The following DGKB variants were observed in gnomAD, a reference collection of about 807,000 sequenced individuals.
The protein encoded by DGKB is 90 kDa diacylglycerol kinase.
Under a neutral mutation model 114.3 loss-of-function variants are expected in DGKB, and 67 were observed. The observed-to-expected ratio is 0.59, with a 90% CI of 0.48 to 0.72. The LOEUF (loss-of-function observed/expected upper bound fraction) is 0.72, where lower values mean the gene tolerates loss of function less well. DGKB is among the 30% of genes least tolerant of loss of function. The pLI is 0.00. For missense variants in DGKB, 907 were observed against 975.2 expected (o/e 0.93, Z 0.93); for synonymous variants, 398 against 323.1 (o/e 1.23, Z -2.49).
chr7:14,613,292 T>G (rs1214831849), intron 16 of DGKB, 48 bp downstream of exon 16: 1 of 1,154,260 alleles, frequency 8.7e-7, no homozygotes, highest in African/African-American at 1.6e-5. Context: ...TTTGTCTATT[T>G]TTTTACATAT....
intron 1 of DGKB, among the ~76,000 whole-genome samples, chr7:14,852,498 CAG>C (rs1849543909): frequency 2.9e-5 from 1 of 33,918 alleles, no homozygotes; most frequent in Admixed American, 3.2e-4. Context: ...AAAAAAAAAA[CAG>C]AAATCAAGCA....
intron 2 of DGKB, among the ~76,000 whole-genome samples, chr7:14,784,102 A>T (rs1240744050): frequency 2.0e-5 from 3 of 152,040 alleles, no homozygotes; most frequent in Non-Finnish European, 4.4e-5. Context: ...GTAAATTGTG[A>T]TTCTTGCATT....
intron 1 of DGKB, among the ~76,000 whole-genome samples, chr7:14,964,001 A>T (rs1257444002): frequency 6.6e-6 from 1 of 152,128 alleles, no homozygotes; most frequent in Admixed American, 6.6e-5. Context: ...AAAGATATTC[A>T]GAAAAATTTG....
rs62443704 is a variant in DGKB at position 14,296,715 on chromosome 7, T to C, written c.2122+41800A>G. Among the ~76,000 whole-genome samples the C allele has an allele frequency of 0.012, 1,694 of 142,150 alleles. 55 individuals are homozygous for C. In the East Asian group the frequency reaches 0.13, roughly 11 times the overall value. The allele number at this position is 142,150 out of a possible 152,430, so 93.3% of individuals were successfully genotyped here. A position where few individuals can be genotyped will look rare whatever the true frequency, so the allele number is the denominator to read the frequency against. On this transcript the variant is annotated intron_variant, in intron 23 of 25. Coordinates refer to ENST00000402815, the MANE Select transcript of DGKB (RefSeq NM_001350709.2). ...AAGATCAGAGCAGAACTGAAGGAGA[T>C]AGAGACACAAAAAACCTTTAAAAAA... is the stretch of plus-strand genomic sequence containing the variant.
At chr7:14,191,716 C>G (rs1451581855) in intron 23 of DGKB, 1 of 343,532 alleles carries the variant, frequency 2.9e-6, no homozygotes, top group African/African-American at 2.2e-5. Flanking sequence ...ATGTGCACGT[C>G]AAAGATGTTC....
At chr7:14,580,715 C>G (rs1799794234) in intron 19 of DGKB, 147 bp downstream of exon 19, 1 of 464,882 alleles carries the variant, frequency 2.2e-6, no homozygotes, top group African/African-American at 2.0e-5. Context: ...CTATCCAAGA[C>G]TATTGTTCAA....
chr7:14,207,322 G>C lies in DGKB; in HGVS notation c.2123-29171C>G, dbSNP rs117522147. On this transcript the variant is annotated intron_variant, in intron 23 of 25. Coordinates refer to ENST00000402815, the MANE Select transcript of DGKB (RefSeq NM_001350709.2). Reference sequence around the variant, plus strand: ...CCAACATATGACCTAAGCTTTGCCAGTCGGGTGCATTGGTGTGAGATGTTT... The same window carrying C: ...CCAACATATGACCTAAGCTTTGCCACTCGGGTGCATTGGTGTGAGATGTTT... 7.9e-4 allele frequency among the ~76,000 whole-genome samples: 120 copies of C among 152,200 alleles called. No individual in the cohort carries two copies. In the East Asian group the frequency reaches 0.02, roughly 25 times the overall value.
At chr7:14,926,706 T>C (rs1446728867) in intron 1 of DGKB, among the ~76,000 whole-genome samples, 1 of 151,918 alleles carries the variant, frequency 6.6e-6, no homozygotes, top group African/African-American at 2.4e-5. Context: ...CATAAGTATT[T>C]TATATTTTAT....
chr7:14,348,091 G>C (rs1419748127), intron 21 of DGKB, among the ~76,000 whole-genome samples: 1 of 151,860 alleles, frequency 6.6e-6, no homozygotes, highest in Non-Finnish European at 1.5e-5. Context: ...ATACAGTTAA[G>C]ATGCAGAACA....
At chr7:14,583,029 T>C (rs370217066) in intron 18 of DGKB, 23 bp downstream of exon 18, 47 of 1,491,048 alleles carry the variant, frequency 3.2e-5, no homozygotes, top group Non-Finnish European at 4.2e-5. Flanking sequence ...TCCCCAGCCA[T>C]ATTAAGTATG....
chr7:14,589,967 A>G (rs1801416789), intron 17 of DGKB, among the ~76,000 whole-genome samples: 1 of 149,224 alleles, frequency 6.7e-6, no homozygotes, highest in African/African-American at 2.5e-5. Context: ...TAATTATTGA[A>G]GTTCTTTGAA....
chr7:14,682,041 GA>G (rs1820924843), intron 12 of DGKB, among the ~76,000 whole-genome samples: 2 of 115,726 alleles, frequency 1.7e-5, no homozygotes, highest in Admixed American at 1.8e-4. Flanking sequence ...CGTGGTCAAG[GA>G]CAATCTGCTT....
intron 13 of DGKB, among the ~76,000 whole-genome samples, chr7:14,658,846 T>G (rs1245430243): frequency 6.6e-6 from 1 of 151,976 alleles, no homozygotes; most frequent in Admixed American, 6.6e-5. Context: ...TTGTTGTCCT[T>G]TCTGTGAACT....
chr7:14,656,043 A>G (rs147873431), intron 13 of DGKB, among the ~76,000 whole-genome samples: 11 of 151,854 alleles, frequency 7.2e-5, no homozygotes, highest in African/African-American at 2.6e-4. Context: ...TATTTCCAAT[A>G]CGAAGAAATG....
intron 20 of DGKB, among the ~76,000 whole-genome samples, chr7:14,496,710 CATT>C (rs2128944808): frequency 6.6e-6 from 1 of 151,816 alleles, no homozygotes; most frequent in East Asian, 1.9e-4. Context: ...GAGGCAGAAA[CATT>C]ATTCTAAAGT....
chr7:14,192,508 A>AT lies in DGKB; in HGVS notation c.2123-14358dup, dbSNP rs528233372. Among the ~76,000 whole-genome samples, 226 of 152,134 alleles carry AT rather than the reference A, an allele frequency of 1.5e-3. 1 individual carries two copies. Among genetic ancestry groups the AT allele is most frequent in the Non-Finnish European group, 1.9e-3 (129 of 67,994 alleles). On this transcript the variant is annotated intron_variant, in intron 23 of 25. Coordinates refer to ENST00000402815, the MANE Select transcript of DGKB (RefSeq NM_001350709.2). ...CATATTATATTCATGAATTGGAAGA[A>AT]TTTTTTTTAAATGGTCATAGTACCC...
Position 14,146,124 on chromosome 7 carries a change from A to C in DGKB, c.*3007T>G, listed in dbSNP as rs1190475448. 9 of 152,354 alleles carry C rather than the reference A, an allele frequency of 5.9e-5. No homozygotes were observed. In the East Asian group the frequency reaches 1.7e-3, roughly 29 times the overall value. The allele number at this position is 152,354 out of a possible 1,614,324, so 9.4% of individuals were successfully genotyped here. ...TTAATTTTTAAACTTCCTGCAAGATATCTCCTTCCACCACAATAAATTGAT... is the reference window on the plus strand; with the variant it reads ...TTAATTTTTAAACTTCCTGCAAGATCTCTCCTTCCACCACAATAAATTGAT... On this transcript the variant is annotated 3_prime_UTR_variant, in exon 26 of 26. Coordinates refer to ENST00000402815, the MANE Select transcript of DGKB (RefSeq NM_001350709.2).
chr7:14,332,093 T>C (rs1205355404), intron 23 of DGKB, among the ~76,000 whole-genome samples: 2 of 151,136 alleles, frequency 1.3e-5, no homozygotes, highest in Non-Finnish European at 3.0e-5. Context: ...TGAGTTTGTT[T>C]GTTTGTTTTT....
chr7:14,799,547 G>A (rs927372997), intron 2 of DGKB, among the ~76,000 whole-genome samples: 1 of 152,174 alleles, frequency 6.6e-6, no homozygotes, highest in African/African-American at 2.4e-5. Context: ...GAGCTCCAGT[G>A]GTGTGGGGAA....
Sources: allele counts gnomAD v4.1 joint callset (sites outside exome capture counted in the v4.1 genomes callset), GRCh38; gene constraint gnomAD v4.1.1; transcripts MANE v1.5; gene names NCBI Gene and HGNC (gene_info 2026-07-23, HGNC 2026-07-21).